Variants in HRH1 observed in about 807,000 individuals in gnomAD.
HRH1 encodes the protein histamine H1 receptor.
Under a neutral mutation model 10.3 loss-of-function variants are expected in HRH1, and 6 were observed. The ratio of observed to expected loss-of-function variants is 0.58; its 90% CI spans 0.32 to 1.15. The LOEUF is 1.15. HRH1 is among the 50% of genes most tolerant of loss of function. The pLI, the probability that HRH1 is intolerant of heterozygous loss-of-function variation, is 0.05. For missense variants in HRH1, 514 were observed against 615.3 expected, an observed-to-expected ratio of 0.84 and a Z score of 1.74; for synonymous variants, 242 against 236.7, an observed-to-expected ratio of 1.02 and a Z score of -0.21.
intron 1 of HRH1, chr3:11,234,684 T>C: frequency 8.8e-7 from 1 of 1,130,470 alleles, no homozygotes. Flanking sequence ...AGGACATGGC[T>C]GCAGCCCTGC....
intron 1 of HRH1, among the ~76,000 whole-genome samples, chr3:11,211,231 C>T (rs1938318208): frequency 6.6e-6 from 1 of 152,104 alleles, no homozygotes; most frequent in African/African-American, 2.4e-5. Flanking sequence ...GAGATCTCAA[C>T]AAAGTGGAGT....
intron 1 of HRH1, among the ~76,000 whole-genome samples, chr3:11,233,661 C>G (rs1301705196): frequency 6.6e-6 from 1 of 152,156 alleles, no homozygotes; most frequent in East Asian, 1.9e-4. Context: ...GGGTCCAAAT[C>G]TTCATCGTCC....
intron 1 of HRH1, among the ~76,000 whole-genome samples, chr3:11,190,891 C>T (rs900873804): frequency 3.3e-5 from 5 of 152,204 alleles, no homozygotes; most frequent in Admixed American, 2.0e-4. Flanking sequence ...CTTCCTGGTC[C>T]GCATTTGGGC....
At chr3:11,152,292 T>C (rs529966089), upstream of HRH1, among the ~76,000 whole-genome samples, 27 of 152,172 alleles carry the variant, frequency 1.8e-4, no homozygotes, top group Admixed American at 4.6e-4. Context: ...CTGTATGTTG[T>C]TAGTAAGTTG....
intron 1 of HRH1, among the ~76,000 whole-genome samples, chr3:11,209,610 C>G (rs1184856681): frequency 6.6e-6 from 1 of 152,164 alleles, no homozygotes; most frequent in Non-Finnish European, 1.5e-5. Flanking sequence ...ACTAGGCAGC[C>G]TTAACAGCAA....
chr3:11,238,440 G>A (rs903948786), intron 1 of HRH1, among the ~76,000 whole-genome samples: 5 of 152,164 alleles, frequency 3.3e-5, no homozygotes, highest in African/African-American at 1.2e-4. Flanking sequence ...AGCTGATCCT[G>A]TTTCCCAGCA....
chr3:11,150,736 C>T (rs927447328), upstream of HRH1, among the ~76,000 whole-genome samples: 5 of 151,884 alleles, frequency 3.3e-5, no homozygotes, highest in African/African-American at 1.2e-4. Flanking sequence ...GTAACTTCCT[C>T]TCCCCAGGCC....
intron 1 of HRH1, among the ~76,000 whole-genome samples, chr3:11,175,745 G>T (rs997627684): frequency 6.6e-6 from 1 of 152,154 alleles, no homozygotes; most frequent in Non-Finnish European, 1.5e-5. Context: ...AATACAGATG[G>T]ATACACACAT....
intron 1 of HRH1, among the ~76,000 whole-genome samples, chr3:11,245,033 G>A (rs1350693802): frequency 6.6e-6 from 1 of 152,182 alleles, no homozygotes; most frequent in Non-Finnish European, 1.5e-5. Flanking sequence ...CAGCCCAAAT[G>A]TCAATGGTAG....
At chr3:11,184,535 T>C (rs1937415361) in intron 1 of HRH1, among the ~76,000 whole-genome samples, 1 of 152,132 alleles carries the variant, frequency 6.6e-6, no homozygotes, top group South Asian at 2.1e-4. Context: ...GCTTAAATTC[T>C]TCCCTGTCAT....
intron 1 of HRH1, among the ~76,000 whole-genome samples, chr3:11,228,307 G>A (rs928771629): frequency 6.6e-6 from 1 of 151,828 alleles, no homozygotes; most frequent in African/African-American, 2.4e-5. Context: ...CTTGAGGGCA[G>A]GAGTTGAAGG....
intron 1 of HRH1, among the ~76,000 whole-genome samples, chr3:11,246,401 T>C (rs1559284389): frequency 6.6e-6 from 1 of 152,218 alleles, no homozygotes; most frequent in Admixed American, 6.5e-5. Context: ...CAGCGGGATC[T>C]CCTGAGTGGC....
In HRH1 at chr3:11,259,720, A is replaced by G. The variant is rs1334828166; in HGVS notation, c.683A>G (p.Asn228Ser). The G allele has an allele frequency of 1.2e-6, 2 of 1,614,034 alleles. No individual in the cohort carries two copies. Among genetic ancestry groups the G allele is most frequent in the Non-Finnish European group, 1.7e-6 (2 of 1,179,970 alleles). The change falls in exon 2 of 2, where the codon AAT becomes AGT. Residue 228 changes from asparagine (N) to serine (S), a missense_variant. Asn to Ser is a conservative substitution (Grantham distance 46). Coordinates refer to ENST00000431010, the MANE Select transcript of HRH1 (RefSeq NM_001098212.2). The surrounding 1 kb of genome is among the most constrained non-coding windows in gnomAD (Gnocchi z 4.6). ...RQHCQHRELI[N>S]RSLPSFSEIK... ...CACTGCCAGCACCGGGAGCTCATCAATAGGTCCCTCCCTTCCTTCTCAGAA... is the reference window on the plus strand; with the variant it reads ...CACTGCCAGCACCGGGAGCTCATCAGTAGGTCCCTCCCTTCCTTCTCAGAA...
chr3:11,214,699 C>T (rs900006167), intron 1 of HRH1, among the ~76,000 whole-genome samples: 1 of 152,208 alleles, frequency 6.6e-6, no homozygotes, highest in African/African-American at 2.4e-5. Context: ...ACTTTAGACA[C>T]TTTGTATATG....
intron 1 of HRH1, among the ~76,000 whole-genome samples, chr3:11,219,604 T>C (rs1938631226): frequency 1.3e-5 from 2 of 150,140 alleles, no homozygotes; most frequent in African/African-American, 4.9e-5. Context: ...TCCTAGCTAC[T>C]TGGGAGGCTG....
intron 1 of HRH1, among the ~76,000 whole-genome samples, chr3:11,203,643 G>A (rs1440627271): frequency 1.3e-5 from 2 of 152,156 alleles, no homozygotes; most frequent in African/African-American, 4.8e-5. Context: ...TTGCCCTTTT[G>A]TCAAAAACAA....
intron 1 of HRH1, among the ~76,000 whole-genome samples, chr3:11,164,079 G>A (rs1936982365): frequency 6.6e-6 from 1 of 152,242 alleles, no homozygotes; most frequent in African/African-American, 2.4e-5. Context: ...ATGAATGAAT[G>A]AATGAGTGAG....
At chr3:11,253,917 C>T (rs1939719071) in intron 1 of HRH1, among the ~76,000 whole-genome samples, 1 of 152,054 alleles carries the variant, frequency 6.6e-6, no homozygotes, top group Non-Finnish European at 1.5e-5. Flanking sequence ...GGTTTAAGCT[C>T]CTTTTTTAGG....
chr3:11,223,455 C>T (rs1464097219), intron 1 of HRH1, among the ~76,000 whole-genome samples: 2 of 151,808 alleles, frequency 1.3e-5, no homozygotes, highest in Non-Finnish European at 1.5e-5. Flanking sequence ...GCAGAGATGG[C>T]GCCACTGCGC....
Sources: allele counts gnomAD v4.1 joint callset (sites outside exome capture counted in the v4.1 genomes callset), GRCh38; gene constraint gnomAD v4.1.1; non-coding constraint Gnocchi (gnomAD v3.1); transcripts MANE v1.5; gene names NCBI Gene and HGNC (gene_info 2026-07-23, HGNC 2026-07-21).